The following TUBA1A variants were observed in gnomAD, a reference collection of about 807,000 sequenced individuals.
TUBA1A encodes the protein tubulin alpha 1a, also known as tubulin alpha-1A chain.
A neutral mutation model predicts 34.6 loss-of-function variants in TUBA1A; 7 were observed. That is an observed-to-expected ratio of 0.20 (90% confidence interval 0.11 to 0.38). TUBA1A has a LOEUF of 0.38. Among genes scored for constraint, TUBA1A ranks in the 10% least tolerant of loss-of-function variants. The probability of loss-of-function intolerance (pLI) is 1.00; values close to 1 mark genes in which losing one functional copy is unlikely to be tolerated. For synonymous variants in TUBA1A, 193 were observed against 210.2 expected (o/e 0.92, Z 0.71); for missense variants, 19 against 581.3 (o/e 0.03, Z 9.95).
intron 1 of TUBA1A, chr12:49,187,265 G>A (rs936422653): frequency 5.5e-6 from 6 of 1,091,716 alleles, no homozygotes; most frequent in African/African-American, 1.7e-5. Flanking sequence ...CATCTGTACT[G>A]CAGCTGAGGC....
Position 49,188,974 on chromosome 12 carries a change from C to T in TUBA1A, c.3+3G>A, listed in dbSNP as rs758738979. On this transcript the variant is annotated splice_donor_region_variant and intron_variant, in intron 1 of 3. Coordinates refer to ENST00000301071, the MANE Select transcript of TUBA1A (RefSeq NM_006009.4). This position sits in a 1 kb window ranked among gnomAD's most constrained non-coding sequence, Gnocchi z 4.9. Reference sequence around the variant, plus strand: ...GCCACAAAGAGCCGAAGCCGATTCTCACCATGGTTGCTGCTTCGCGACTGC... The same window carrying T: ...GCCACAAAGAGCCGAAGCCGATTCTTACCATGGTTGCTGCTTCGCGACTGC... 1 of 1,614,256 alleles carries T rather than the reference C, an allele frequency of 6.2e-7. No individual in the cohort carries two copies. Among genetic ancestry groups the T allele is most frequent in the Non-Finnish European group, 8.5e-7 (1 of 1,180,056 alleles).
Position 49,184,908 on chromosome 12 carries a change from A to G in TUBA1A, c.*102T>C, listed in dbSNP as rs1942159328. On this transcript the variant is annotated 3_prime_UTR_variant, in exon 4 of 4. Transcript: ENST00000301071. ...TAGGTCAGTAATTGTATATGAGAGC[A>G]TACACTGCTACATACAAATTAACTG... The G allele has an allele frequency of 6.3e-7, 1 of 1,579,822 alleles. No homozygotes were observed. The highest frequency in any genetic ancestry group is 8.7e-7 in the Non-Finnish European group (1 of 1,150,480).
rs1164325490 is a variant in TUBA1A, at chr12:49,188,308, T to C, written c.3+669A>G. Reference sequence around the variant, plus strand: ...TCAGCTCCTGACAGAAGAGGTTCAGTGAGGGCGAACCCCGCCCAGTGGCTC... The same window carrying C: ...TCAGCTCCTGACAGAAGAGGTTCAGCGAGGGCGAACCCCGCCCAGTGGCTC... On this transcript the variant is annotated intron_variant, in intron 1 of 3. Transcript: ENST00000301071. This position sits in a 1 kb window ranked among gnomAD's most constrained non-coding sequence, Gnocchi z 4.9. 1 of 1,492,142 alleles carries C rather than the reference T, an allele frequency of 6.7e-7. No homozygotes were observed. 92.4% of individuals were successfully genotyped at this position (1,492,142 alleles called of 1,614,324 possible).
chr12:49,188,262 GTTTT>G lies in TUBA1A; in HGVS notation c.3+711_3+714del. The stretch of plus-strand genomic sequence containing the variant: ...GCCTACAGTTCCGCAATGATGAAAG[GTTTT>G]TTTGTTTTTTTTTCAGTCAGCTCCT... On this transcript the variant is annotated intron_variant, in intron 1 of 3. Coordinates refer to ENST00000301071, the MANE Select transcript of TUBA1A (RefSeq NM_006009.4). The surrounding 1 kb of genome is among the most constrained non-coding windows in gnomAD (Gnocchi z 4.9). 1 of 982,686 alleles carries G rather than the reference GTTTT, an allele frequency of 1.0e-6. No homozygotes were observed. The highest frequency in any genetic ancestry group is 4.7e-5 in the South Asian group (1 of 21,212). The allele number at this position is 982,686 out of a possible 1,614,324, so 60.9% of individuals were successfully genotyped here.
At position 49,187,107 on chromosome 12, in the gene TUBA1A, T is replaced by C. The variant is rs993253550; in HGVS notation, c.4-274A>G. Reference sequence around the variant, plus strand: ...ATGCTTGAATAGAAGATTTTTCATATTTAAAAAGTATTCAGTATTCAAAGC... The same window carrying C: ...ATGCTTGAATAGAAGATTTTTCATACTTAAAAAGTATTCAGTATTCAAAGC... On this transcript the variant is annotated intron_variant, in intron 1 of 3. Transcript: ENST00000301071. 2.3e-6 allele frequency: 3 copies of C among 1,329,214 alleles called. No homozygotes were observed. In the African/African-American group the frequency reaches 4.4e-5, roughly 20 times the overall value. The allele number at this position is 1,329,214 out of a possible 1,614,324, so 82.3% of individuals were successfully genotyped here. A position where few individuals can be genotyped will look rare whatever the true frequency, so the allele number is the denominator to read the frequency against.
At position 49,186,963 on chromosome 12, in the gene TUBA1A, C is replaced by T. The variant is rs901097062; in HGVS notation, c.4-130G>A. 1.3e-6 allele frequency: 2 copies of T among 1,498,732 alleles called. No individual in the cohort carries two copies. Among genetic ancestry groups the T allele is most frequent in the African/African-American group, 2.9e-5 (2 of 69,914 alleles). The allele number at this position is 1,498,732 out of a possible 1,614,324, so 92.8% of individuals were successfully genotyped here. ...AAATTATTTGAGGTCATATCCCCAG[C>T]ACGATACAAAGATTAAGGAAAATCA... On this transcript the variant is annotated intron_variant, in intron 1 of 3. Coordinates refer to ENST00000301071, the MANE Select transcript of TUBA1A (RefSeq NM_006009.4). The surrounding 1 kb of genome is among the most constrained non-coding windows in gnomAD (Gnocchi z 6.6).
Position 49,184,846 on chromosome 12 carries a change from G to A in TUBA1A, c.*164C>T. On this transcript the variant is annotated 3_prime_UTR_variant, in exon 4 of 4. Coordinates refer to ENST00000301071, the MANE Select transcript of TUBA1A (RefSeq NM_006009.4). ...TCAAAACCCATCACAGAAATGGACA[G>A]CTTGGGTCTGTAACAAAGCATTCAT... 1.7e-6 allele frequency: 2 copies of A among 1,151,790 alleles called. No homozygotes were observed. The highest frequency in any genetic ancestry group is 2.6e-6 in the Non-Finnish European group (2 of 781,366). 71.3% of individuals were successfully genotyped at this position (1,151,790 alleles called of 1,614,324 possible).
Position 49,186,135 on chromosome 12 carries a change from T to C in TUBA1A, c.376-145A>G. On this transcript the variant is annotated intron_variant, in intron 3 of 3. Coordinates refer to ENST00000301071, the MANE Select transcript of TUBA1A (RefSeq NM_006009.4). This position sits in a 1 kb window ranked among gnomAD's most constrained non-coding sequence, Gnocchi z 6.6. ...GCTTTTTAAAAAATTCTCATTAACA[T>C]TTACAAAATGACATCAAATAGTTCA... The C allele has an allele frequency of 6.6e-7, 1 of 1,523,288 alleles. No individual in the cohort carries two copies. Among genetic ancestry groups the C allele is most frequent in the Non-Finnish European group, 8.8e-7 (1 of 1,130,638 alleles). The allele number at this position is 1,523,288 out of a possible 1,614,324, so 94.4% of individuals were successfully genotyped here. A position where few individuals can be genotyped will look rare whatever the true frequency, so the allele number is the denominator to read the frequency against.
Position 49,188,120 on chromosome 12 carries a change from C to T in TUBA1A, c.3+857G>A. ...CACACACACACACACACACTTCAGT[C>T]GGTCAGGGCAGGGCGTCCCCAGACC... On this transcript the variant is annotated intron_variant, in intron 1 of 3. Coordinates refer to ENST00000301071, the MANE Select transcript of TUBA1A (RefSeq NM_006009.4). This position sits in a 1 kb window ranked among gnomAD's most constrained non-coding sequence, Gnocchi z 4.9. 2 of 970,548 alleles carry T rather than the reference C, an allele frequency of 2.1e-6. No homozygotes were observed. The highest frequency in any genetic ancestry group is 2.4e-6 in the Non-Finnish European group (2 of 827,664). 60.1% of individuals were successfully genotyped at this position (970,548 alleles called of 1,614,324 possible). A position where few individuals can be genotyped will look rare whatever the true frequency, so the allele number is the denominator to read the frequency against.
chr12:49,187,087 T>C, intron 1 of TUBA1A: 1 of 1,362,476 alleles, frequency 7.3e-7, no homozygotes, highest in East Asian at 2.8e-5. Context: ...CTACCATGCT[T>C]GAATAGAAGA....
rs554749892 is a variant in TUBA1A at position 49,188,833 on chromosome 12, T to C, written c.3+144A>G. 5.6e-6 allele frequency: 9 copies of C among 1,604,074 alleles called. No homozygotes were observed. The highest frequency in any genetic ancestry group is 1.7e-4 in the Middle Eastern group (1 of 6,024). On this transcript the variant is annotated intron_variant, in intron 1 of 3. Transcript: ENST00000301071. The surrounding 1 kb of genome is among the most constrained non-coding windows in gnomAD (Gnocchi z 4.9). ...TGCGGCGGCGGCGGGGCTTGAGGATTTGGGGCTAAGCTAAACCTCACAAAA... is the reference window on the plus strand; with the variant it reads ...TGCGGCGGCGGCGGGGCTTGAGGATCTGGGGCTAAGCTAAACCTCACAAAA...
rs1942189839 is a variant in TUBA1A at position 49,186,984 on chromosome 12, A to C, written c.4-151T>G. The C allele has an allele frequency of 6.7e-7, 1 of 1,494,822 alleles. No individual in the cohort carries two copies. The highest frequency in any genetic ancestry group is 8.9e-7 in the Non-Finnish European group (1 of 1,128,850). The allele number at this position is 1,494,822 out of a possible 1,614,324, so 92.6% of individuals were successfully genotyped here. A position where few individuals can be genotyped will look rare whatever the true frequency, so the allele number is the denominator to read the frequency against. Reference sequence around the variant, plus strand: ...CCAGCACGATACAAAGATTAAGGAAAATCACCTGCTACAAATGCTGCATAT... The same window carrying C: ...CCAGCACGATACAAAGATTAAGGAACATCACCTGCTACAAATGCTGCATAT... On this transcript the variant is annotated intron_variant, in intron 1 of 3. Transcript: ENST00000301071. This position sits in a 1 kb window ranked among gnomAD's most constrained non-coding sequence, Gnocchi z 6.6.
At position 49,186,163 on chromosome 12, in the gene TUBA1A, T is replaced by G; in HGVS notation, c.375+147A>C. 3 of 1,554,586 alleles carry G rather than the reference T, an allele frequency of 1.9e-6. No homozygotes were observed. The highest frequency in any genetic ancestry group is 2.6e-6 in the Non-Finnish European group (3 of 1,147,442). ...ACAAAATGACATCAAATAGTTCATT[T>G]TAACTGAATTTTAAAAACCCCAAAA... is the stretch of plus-strand genomic sequence containing the variant. On this transcript the variant is annotated intron_variant, in intron 3 of 3. Coordinates refer to ENST00000301071, the MANE Select transcript of TUBA1A (RefSeq NM_006009.4). This position sits in a 1 kb window ranked among gnomAD's most constrained non-coding sequence, Gnocchi z 6.6.
At chr12:49,187,395 T>C (rs953923842) in intron 1 of TUBA1A, 1 of 997,834 alleles carries the variant, frequency 1.0e-6, no homozygotes, top group Non-Finnish European at 1.2e-6. Flanking sequence ...TAGCCTGTAC[T>C]GTCTGCTACA....
intron 1 of TUBA1A, chr12:49,187,965 TG>T (rs1942201605): frequency 1.0e-6 from 1 of 984,192 alleles, no homozygotes; most frequent in South Asian, 4.7e-5. Context: ...CAGGGTACCC[TG>T]GGGCTCACAA....
chr12:49,188,133 G>T lies in TUBA1A; in HGVS notation c.3+844C>A. On this transcript the variant is annotated intron_variant, in intron 1 of 3. Coordinates refer to ENST00000301071, the MANE Select transcript of TUBA1A (RefSeq NM_006009.4). This position sits in a 1 kb window ranked among gnomAD's most constrained non-coding sequence, Gnocchi z 4.9. The stretch of plus-strand genomic sequence containing the variant: ...ACACACTTCAGTCGGTCAGGGCAGG[G>T]CGTCCCCAGACCAGACATTAAAGAG... 1 of 984,058 alleles carries T rather than the reference G, an allele frequency of 1.0e-6. No individual in the cohort carries two copies. The highest frequency in any genetic ancestry group is 1.8e-5 in the African/African-American group (1 of 56,466). The allele number at this position is 984,058 out of a possible 1,614,324, so 61.0% of individuals were successfully genotyped here.
In TUBA1A at chr12:49,189,076, C is replaced by G; in HGVS notation, c.-97G>C. 1 of 1,527,716 alleles carries G rather than the reference C, an allele frequency of 6.5e-7. No homozygotes were observed. Among genetic ancestry groups the G allele is most frequent in the Non-Finnish European group, 9.1e-7 (1 of 1,101,872 alleles). The allele number at this position is 1,527,716 out of a possible 1,614,324, so 94.6% of individuals were successfully genotyped here. On this transcript the variant is annotated 5_prime_UTR_variant, in exon 1 of 4. Transcript: ENST00000301071. ...CTCTTAGGCGGTCGATGTAAGAGAA[C>G]CTGCGGCACATAGGCGGATGCGGCT...
In TUBA1A at chr12:49,188,308, T is replaced by G. The variant is rs1164325490; in HGVS notation, c.3+669A>C. 6.7e-7 allele frequency: 1 copy of G among 1,492,142 alleles called. No homozygotes were observed. Among genetic ancestry groups the G allele is most frequent in the Non-Finnish European group, 8.9e-7 (1 of 1,120,090 alleles). The allele number at this position is 1,492,142 out of a possible 1,614,324, so 92.4% of individuals were successfully genotyped here. On this transcript the variant is annotated intron_variant, in intron 1 of 3. Transcript: ENST00000301071. This position sits in a 1 kb window ranked among gnomAD's most constrained non-coding sequence, Gnocchi z 4.9. ...TCAGCTCCTGACAGAAGAGGTTCAGTGAGGGCGAACCCCGCCCAGTGGCTC... is the reference window on the plus strand; with the variant it reads ...TCAGCTCCTGACAGAAGAGGTTCAGGGAGGGCGAACCCCGCCCAGTGGCTC...
At chr12:49,187,089 A>T in intron 1 of TUBA1A, 2 of 1,361,256 alleles carry the variant, frequency 1.5e-6, no homozygotes, top group Non-Finnish European at 1.9e-6. Flanking sequence ...ACCATGCTTG[A>T]ATAGAAGATT....
Sources: gnomAD v4.1 joint callset for allele counts on GRCh38, gnomAD v4.1.1 for gene constraint, Gnocchi (gnomAD v3.1) non-coding constraint, MANE v1.5 for transcripts, NCBI Gene and HGNC (gene_info 2026-07-23, HGNC 2026-07-21) for gene names.